The following TSPAN9 variants were observed in gnomAD, a reference collection of about 807,000 sequenced individuals.
The protein encoded by TSPAN9 is tetraspanin-9.
Under a neutral mutation model 31.0 loss-of-function variants are expected in TSPAN9, and 16 were observed. That is an observed-to-expected ratio of 0.52 (90% CI 0.35 to 0.78). The LOEUF (loss-of-function observed/expected upper bound fraction) is 0.78. Among genes scored for constraint, TSPAN9 ranks in the 30% least tolerant of loss-of-function variants. TSPAN9 has a pLI of 0.01. For synonymous variants in TSPAN9, 145 were observed against 121.6 expected (o/e 1.19, Z -1.27); for missense variants, 272 against 312.5 (o/e 0.87, Z 0.98).
intron 2 of TSPAN9, among the ~76,000 whole-genome samples, chr12:3,137,255 G>T (rs1403107091): frequency 6.6e-6 from 1 of 152,358 alleles, no homozygotes; most frequent in East Asian, 1.9e-4. Context: ...ACTTGGGCAT[G>T]TCAGCTTCCC....
chr12:3,094,284 T>C (rs1431341624), intron 2 of TSPAN9, among the ~76,000 whole-genome samples: 5 of 152,156 alleles, frequency 3.3e-5, no homozygotes, highest in Non-Finnish European at 5.9e-5. Flanking sequence ...AAGCCACCCC[T>C]AGATTCCTGC....
rs73256365 is a variant in TSPAN9 at position 3,274,706 on chromosome 12, C to T, written c.64-3715C>T. On this transcript the variant is annotated intron_variant, in intron 3 of 8. Transcript: ENST00000011898. ...CGTGACCTTTGTGTTTTCTTCTTGC[C>T]GGGAGGCTCTGTTAGTGTTGGGCCA... Among the ~76,000 whole-genome samples, 720 of 152,332 alleles carry T rather than the reference C, an allele frequency of 4.7e-3. 33 individuals carry two copies. In the East Asian group the frequency reaches 0.093, roughly 20 times the overall value.
intron 2 of TSPAN9, among the ~76,000 whole-genome samples, chr12:3,189,709 A>T (rs2098363310): frequency 6.6e-6 from 1 of 152,182 alleles, no homozygotes; most frequent in South Asian, 2.1e-4. Flanking sequence ...CAGGTTTCAG[A>T]CGGGCTGGAT....
At position 3,078,388 on chromosome 12, in the gene TSPAN9, G is replaced by A. The variant is rs73250360; in HGVS notation, c.-85+935G>A. On this transcript the variant is annotated intron_variant, in intron 1 of 8. Transcript: ENST00000011898. ...CAGGAAGCTTTCCTGGACTAGTGGA[G>A]AAAACTGAAGACTCATGCGAGGATC... is the stretch of plus-strand genomic sequence containing the variant. Among the ~76,000 whole-genome samples, 336 of 152,220 alleles carry A rather than the reference G, an allele frequency of 2.2e-3. 2 individuals are homozygous for A. Among genetic ancestry groups the A allele is most frequent in the African/African-American group, 7.2e-3 (300 of 41,528 alleles).
intron 3 of TSPAN9, among the ~76,000 whole-genome samples, chr12:3,246,549 T>C (rs1053527886): frequency 3.3e-5 from 5 of 152,116 alleles, no homozygotes; most frequent in Admixed American, 6.5e-5. Context: ...AATTTCCCAC[T>C]TGAGAAGTTT....
chr12:3,140,024 C>T (rs1314454759), intron 2 of TSPAN9, among the ~76,000 whole-genome samples: 3 of 152,308 alleles, frequency 2.0e-5, no homozygotes, highest in South Asian at 2.1e-4. Context: ...GCACTATCGC[C>T]TTAGCTCATC....
intron 2 of TSPAN9, among the ~76,000 whole-genome samples, chr12:3,118,387 G>A (rs190182489): frequency 1.3e-5 from 2 of 148,292 alleles, no homozygotes; most frequent in African/African-American, 2.5e-5. Flanking sequence ...TCCGCCTCCC[G>A]AGTAGCTGGG....
At chr12:3,140,775 C>T (rs913002706) in intron 2 of TSPAN9, among the ~76,000 whole-genome samples, 1 of 151,718 alleles carries the variant, frequency 6.6e-6, no homozygotes, top group African/African-American at 2.4e-5. Context: ...AGGGAGGGCA[C>T]AGAATGCTGT....
rs150875021 is a variant in TSPAN9, at chr12:3,271,146, A to G, written c.64-7275A>G. Among the ~76,000 whole-genome samples, 1,274 of 152,322 alleles carry G rather than the reference A, an allele frequency of 8.4e-3. 23 individuals carry two copies. Among genetic ancestry groups the G allele is most frequent in the African/African-American group, 0.029 (1,220 of 41,576 alleles). ...AAAATATGGGTGTCATCTCCCTGAC[A>G]CCTTTGTAAGTTGGTGAGATTAGGG... On this transcript the variant is annotated intron_variant, in intron 3 of 8. Coordinates refer to ENST00000011898, the MANE Select transcript of TSPAN9 (RefSeq NM_006675.5).
At chr12:3,131,753 A>T (rs2098329906) in intron 2 of TSPAN9, among the ~76,000 whole-genome samples, 1 of 150,826 alleles carries the variant, frequency 6.6e-6, no homozygotes, top group Non-Finnish European at 1.5e-5. Context: ...GCAATTTTTT[A>T]AAAACATTTT....
intron 3 of TSPAN9, among the ~76,000 whole-genome samples, chr12:3,212,322 T>C (rs562492661): frequency 4.4e-4 from 67 of 152,368 alleles, no homozygotes; most frequent in Admixed American, 2.0e-3. Flanking sequence ...TATCTATTTC[T>C]ATTCATGAAC....
At chr12:3,196,308 C>CT (rs2098367066) in intron 2 of TSPAN9, among the ~76,000 whole-genome samples, 1 of 152,200 alleles carries the variant, frequency 6.6e-6, no homozygotes, top group Admixed American at 6.5e-5. Flanking sequence ...ACTCGCCTTT[C>CT]TTATTAGCAG....
chr12:3,215,527 T>G (rs952893975), intron 3 of TSPAN9, among the ~76,000 whole-genome samples: 1 of 152,222 alleles, frequency 6.6e-6, no homozygotes, highest in African/African-American at 2.4e-5. Context: ...TGTTGTTCTC[T>G]GTATCTATTT....
intron 2 of TSPAN9, among the ~76,000 whole-genome samples, chr12:3,112,312 G>A (rs2098319335): frequency 6.6e-6 from 1 of 151,524 alleles, no homozygotes; most frequent in African/African-American, 2.4e-5. Context: ...TAGTAGCTGG[G>A]ATTACAGGCA....
chr12:3,182,932 G>T (rs2098359201), intron 2 of TSPAN9, among the ~76,000 whole-genome samples: 1 of 152,246 alleles, frequency 6.6e-6, no homozygotes, highest in South Asian at 2.1e-4. Context: ...CAGGGTCAGG[G>T]CCGCATGGTC....
chr12:3,089,305 T>TC (rs2098302678), intron 2 of TSPAN9, among the ~76,000 whole-genome samples: 1 of 147,918 alleles, frequency 6.8e-6, no homozygotes, highest in African/African-American at 2.5e-5. Context: ...GTGAATTTTT[T>TC]TTTTTTTTTT....
At chr12:3,156,136 C>T (rs1488339853) in intron 2 of TSPAN9, among the ~76,000 whole-genome samples, 2 of 152,206 alleles carry the variant, frequency 1.3e-5, no homozygotes, top group African/African-American at 2.4e-5. Flanking sequence ...AGGCCAGCCT[C>T]CTCCCCAGCC....
rs1863009153 is a variant in TSPAN9 at position 3,286,052 on chromosome 12, T to C, written c.*2936T>C. The C allele has an allele frequency of 6.6e-6, 1 of 152,618 alleles. No individual in the cohort carries two copies. Among genetic ancestry groups the C allele is most frequent in the Non-Finnish European group, 1.5e-5 (1 of 68,076 alleles). 9.5% of individuals were successfully genotyped at this position (152,618 alleles called of 1,614,324 possible). ...CAGGTGTCCTGGTTTGACTTGGAACTAGATGGCCATCTTTCCAGGCTTTGG... is the reference window on the plus strand; with the variant it reads ...CAGGTGTCCTGGTTTGACTTGGAACCAGATGGCCATCTTTCCAGGCTTTGG... On this transcript the variant is annotated 3_prime_UTR_variant, in exon 9 of 9. Coordinates refer to ENST00000011898, the MANE Select transcript of TSPAN9 (RefSeq NM_006675.5). This position sits in a 1 kb window ranked among gnomAD's most constrained non-coding sequence, Gnocchi z 4.1.
chr12:3,135,839 A>G (rs1204504781), intron 2 of TSPAN9, among the ~76,000 whole-genome samples: 3 of 151,886 alleles, frequency 2.0e-5, no homozygotes, highest in East Asian at 1.9e-4. Flanking sequence ...CCTGTGTCCA[A>G]CTCTCCTGTG....
Sources: allele counts gnomAD v4.1 joint callset (sites outside exome capture counted in the v4.1 genomes callset), GRCh38; gene constraint gnomAD v4.1.1; non-coding constraint Gnocchi (gnomAD v3.1); transcripts MANE v1.5; gene names NCBI Gene and HGNC (gene_info 2026-07-23, HGNC 2026-07-21).